Variants in PREX1 observed in about 807,000 individuals in gnomAD.
PREX1 encodes the protein phosphatidylinositol 3,4,5-trisphosphate-dependent Rac exchanger 1 protein.
PREX1 carries 41 observed loss-of-function variants against 198.3 expected under a neutral mutation model. The observed-to-expected ratio is 0.21, with a 90% CI of 0.16 to 0.27. The LOEUF is 0.27. Among genes scored for constraint, PREX1 ranks in the 10% least tolerant of loss-of-function variants. The pLI is 1.00. For synonymous variants in PREX1, 843 were observed against 887.2 expected (o/e 0.95, Z 0.89); for missense variants, 1,620 against 2,200.7 (o/e 0.74, Z 5.28).
chr20:48,866,137 C>A, the PREX1 span, among the ~76,000 whole-genome samples: 3 of 152,096 alleles, frequency 2.0e-5, no homozygotes, highest in East Asian at 5.8e-4. Flanking sequence ...TTTGTAGAGA[C>A]AAGATCTTCT....
At chr20:48,826,336 C>A (rs549837545) in intron 1 of PREX1, among the ~76,000 whole-genome samples, 1 of 152,282 alleles carries the variant, frequency 6.6e-6, no homozygotes, top group East Asian at 1.9e-4. Context: ...CTGCCCCGTC[C>A]CACCCCCTCC....
Position 48,688,674 on chromosome 20 carries a change from G to A in PREX1, c.1317C>T (p.Pro439=). 2 of 1,614,158 alleles carry A rather than the reference G, an allele frequency of 1.2e-6. No homozygotes were observed. Among genetic ancestry groups the A allele is most frequent in the Non-Finnish European group, 1.7e-6 (2 of 1,180,020 alleles). The part of the protein sequence containing the change: ...KDRRRKLSTV[P]KCFLGNEFVA... ...CTACTCACTTGCCAAGAAAGCACTT[G>A]GGGACAGTGCTCAGCTTTCTCCGGC... Residue 439 remains proline, a synonymous_variant, in exon 10 of 40, where the codon CCC becomes CCT. Transcript: ENST00000371941.
intron 13 of PREX1, among the ~76,000 whole-genome samples, chr20:48,677,049 C>T (rs373468199): frequency 6.6e-6 from 1 of 152,222 alleles, no homozygotes; most frequent in African/African-American, 2.4e-5. Context: ...GTGACAAAAA[C>T]GCGCTTCTGT....
chr20:48,720,811 C>A (rs2089981866), intron 5 of PREX1, among the ~76,000 whole-genome samples: 3 of 152,136 alleles, frequency 2.0e-5, no homozygotes, highest in Middle Eastern at 6.8e-3. Context: ...TCCTCCCAGC[C>A]AAGTAGACAG....
chr20:48,644,921 C>T (rs1340651833), intron 26 of PREX1, among the ~76,000 whole-genome samples: 2 of 152,152 alleles, frequency 1.3e-5, no homozygotes, highest in East Asian at 1.9e-4. Context: ...CCCAGGAACT[C>T]GGAAGGTGTG....
At chr20:48,717,843 G>A (rs1364597610) in intron 5 of PREX1, among the ~76,000 whole-genome samples, 1 of 152,230 alleles carries the variant, frequency 6.6e-6, no homozygotes, top group Non-Finnish European at 1.5e-5. Context: ...TGATGAGGAT[G>A]TGCTGTGTGA....
chr20:48,660,067 G>A lies in PREX1; in HGVS notation c.1739-6C>T. 1 of 1,613,712 alleles carries A rather than the reference G, an allele frequency of 6.2e-7. No homozygotes were observed. The highest frequency in any genetic ancestry group is 8.5e-7 in the Non-Finnish European group (1 of 1,180,000). On this transcript the variant is annotated splice_polypyrimidine_tract_variant and splice_region_variant and intron_variant, in intron 15 of 39. Transcript: ENST00000371941. The stretch of plus-strand genomic sequence containing the variant: ...GAACTCGCTCTTCTCCAGCACTGCA[G>A]ATCCACAGATGTGCACTCAGTGGTC...
chr20:48,668,086 GC>G (rs1438415541), intron 14 of PREX1, among the ~76,000 whole-genome samples: 1 of 152,172 alleles, frequency 6.6e-6, no homozygotes, highest in Non-Finnish European at 1.5e-5. Context: ...ATTAGCCAGG[GC>G]CTGTTTCTGT....
chr20:48,649,217 A>T, intron 25 of PREX1, 83 bp downstream of exon 25: 1 of 1,538,852 alleles, frequency 6.5e-7, no homozygotes. Context: ...ACTACAAAGA[A>T]TGATGCTACC....
chr20:48,732,966 C>A (rs1443272488), intron 4 of PREX1, among the ~76,000 whole-genome samples: 1 of 152,222 alleles, frequency 6.6e-6, no homozygotes, highest in Non-Finnish European at 1.5e-5. Flanking sequence ...GACACTGGAG[C>A]CACTATACCA....
intron 6 of PREX1, among the ~76,000 whole-genome samples, chr20:48,702,569 G>A (rs544991255): frequency 6.6e-6 from 1 of 152,212 alleles, no homozygotes; most frequent in Non-Finnish European, 1.5e-5. Context: ...GCACATCCTC[G>A]AAAGAAAATG....
chr20:48,847,942 T>A, the PREX1 span, among the ~76,000 whole-genome samples: 1 of 152,218 alleles, frequency 6.6e-6, no homozygotes, highest in East Asian at 1.9e-4. Flanking sequence ...CAGTAGCTTG[T>A]TCTTTTTCAT....
At chr20:48,882,012 GT>G in the PREX1 span, among the ~76,000 whole-genome samples, 3 of 144,846 alleles carry the variant, frequency 2.1e-5, no homozygotes, top group Non-Finnish European at 4.5e-5. Flanking sequence ...CATACAATAT[GT>G]TTTTTATGAC....
At chr20:48,727,751 G>A (rs1601099900) in intron 4 of PREX1, among the ~76,000 whole-genome samples, 1 of 152,182 alleles carries the variant, frequency 6.6e-6, no homozygotes, top group African/African-American at 2.4e-5. Context: ...GCCCACCCAT[G>A]CACCAAGGCC....
chr20:48,848,333 C>T, the PREX1 span, among the ~76,000 whole-genome samples: 1 of 151,596 alleles, frequency 6.6e-6, no homozygotes, highest in Non-Finnish European at 1.5e-5. Context: ...TGGCTCACTG[C>T]ACCCTCAACC....
chr20:48,747,132 T>G (rs759822807), intron 2 of PREX1, among the ~76,000 whole-genome samples: 2 of 152,170 alleles, frequency 1.3e-5, no homozygotes, highest in African/African-American at 2.4e-5. Context: ...CCGTCCAGAT[T>G]AATCAGGGCG....
chr20:48,722,285 A>T (rs2089989803), intron 5 of PREX1, among the ~76,000 whole-genome samples: 1 of 152,196 alleles, frequency 6.6e-6, no homozygotes, highest in Non-Finnish European at 1.5e-5. Flanking sequence ...CACAAAAAGG[A>T]AGGAGGCACC....
At position 48,649,384 on chromosome 20, in the gene PREX1, T is replaced by C. The variant is rs374070654; in HGVS notation, c.3221A>G (p.Glu1074Gly). The C allele has an allele frequency of 6.2e-7, 1 of 1,614,056 alleles. No individual in the cohort carries two copies. Among genetic ancestry groups the C allele is most frequent in the Non-Finnish European group, 8.5e-7 (1 of 1,180,030 alleles). ...LSFLLKQEDR[E>G]IQDAYLQLFT... ...GAGCTGCAGGTAGGCATCCTGGATC[T>C]CACGGTCCTCCTGCTTGAGTAGGAA... Residue 1074 changes from glutamate (E) to glycine (G), a missense_variant, in exon 25 of 40, where the codon GAG (glutamate) becomes GGG (glycine). Transcript: ENST00000371941.
chr20:48,629,642 A>T, intron 36 of PREX1, 21 bp from the exon 37 acceptor site: 1 of 1,609,876 alleles, frequency 6.2e-7, no homozygotes, highest in East Asian at 2.2e-5. Context: ...TACCACACAT[A>T]ACCGGGGAGT....
Sources: allele counts gnomAD v4.1 joint callset (sites outside exome capture counted in the v4.1 genomes callset), GRCh38; gene constraint gnomAD v4.1.1; transcripts MANE v1.5; gene names NCBI Gene and HGNC (gene_info 2026-07-23, HGNC 2026-07-21).